The following RAD50 variants were observed in gnomAD, a reference collection of about 807,000 sequenced individuals.
RAD50 encodes DNA repair protein RAD50.
A neutral mutation model predicts 168.8 loss-of-function variants in RAD50; 132 were observed. The observed-to-expected ratio is 0.78, with a 90% CI of 0.68 to 0.90. The LOEUF (loss-of-function observed/expected upper bound fraction) is 0.90. Among genes scored for constraint, RAD50 ranks in the 40% least tolerant of loss-of-function variants. The pLI is 0.00. For synonymous variants in RAD50, 525 were observed against 497.4 expected (o/e 1.06, Z -0.74); for missense variants, 1,347 against 1,534.4 (o/e 0.88, Z 2.04).
At chr5:132,566,501 A>G (rs1001687370) in intron 2 of RAD50, among the ~76,000 whole-genome samples, 4 of 152,156 alleles carry the variant, frequency 2.6e-5, no homozygotes, top group African/African-American at 9.7e-5. Flanking sequence ...TCTGTATCCT[A>G]AGAGGCTGTT....
At chr5:132,619,855 GAT>G (rs1312742425) in intron 21 of RAD50, among the ~76,000 whole-genome samples, 2 of 96,148 alleles carry the variant, frequency 2.1e-5, no homozygotes, top group Middle Eastern at 5.7e-3. Context: ...TATATATAAA[GAT>G]ATATATATAT....
chr5:132,631,511 C>A (rs898296702), intron 21 of RAD50, among the ~76,000 whole-genome samples: 1 of 152,172 alleles, frequency 6.6e-6, no homozygotes. Context: ...ATACTCCAGG[C>A]AGGTGGTGGA....
rs550575815 is a variant in RAD50 at position 132,619,783 on chromosome 5, C to CCTCTCT, written c.3389+1512_3389+1517dup. Among the ~76,000 whole-genome samples, 169 of 125,724 alleles carry CCTCTCT rather than the reference C, an allele frequency of 1.3e-3. 3 individuals carry two copies. The highest frequency in any genetic ancestry group is 4.6e-3 in the African/African-American group (131 of 28,474). The allele number at this position is 125,724 out of a possible 152,430, so 82.5% of individuals were successfully genotyped here. ...TCTTGTTAAGAAATCCTTCCCTACTCCTCTCTCTCTCTCTCTCTCTCTCTC... is the reference window on the plus strand; with the variant it reads ...TCTTGTTAAGAAATCCTTCCCTACTCCTCTCTCTCTCTCTCTCTCTCTCTCTCTCTC... On this transcript the variant is annotated intron_variant, in intron 21 of 24. Transcript: ENST00000378823.
At chr5:132,619,002 A>G (rs562126768) in intron 21 of RAD50, among the ~76,000 whole-genome samples, 1 of 152,310 alleles carries the variant, frequency 6.6e-6, no homozygotes, top group East Asian at 1.9e-4. Context: ...TAAAAATGAT[A>G]TGATATTCTA....
chr5:132,640,607 A>C (rs1439220842), intron 23 of RAD50, 65 bp from the exon 24 acceptor site: 3 of 1,602,108 alleles, frequency 1.9e-6, no homozygotes, highest in Non-Finnish European at 2.6e-6. Flanking sequence ...TCATGTCAGG[A>C]CTGCTTGCCT....
intron 23 of RAD50, among the ~76,000 whole-genome samples, chr5:132,639,082 C>G (rs972555734): frequency 6.6e-6 from 1 of 151,040 alleles, no homozygotes; most frequent in African/African-American, 2.4e-5. Flanking sequence ...TGCAGCTGGG[C>G]ATGGTGTCTC....
intron 5 of RAD50, among the ~76,000 whole-genome samples, chr5:132,584,819 A>G (rs1750565329): frequency 6.6e-6 from 1 of 151,984 alleles, no homozygotes; most frequent in South Asian, 2.1e-4. Context: ...GCTGGAAACC[A>G]TCATTCTCAG....
intron 2 of RAD50, among the ~76,000 whole-genome samples, chr5:132,574,355 C>A (rs116563706): frequency 0.019 from 2,943 of 152,296 alleles, 33 homozygotes; most frequent in Middle Eastern, 0.061. Context: ...AGCAACAGGC[C>A]AAGCTGTACC....
Position 132,557,048 on chromosome 5 carries a change from T to C in RAD50, c.-277T>C. 1.5e-6 allele frequency: 1 copy of C among 652,742 alleles called. No homozygotes were observed. Among genetic ancestry groups the C allele is most frequent in the Non-Finnish European group, 2.5e-6 (1 of 407,386 alleles). 40.4% of individuals were successfully genotyped at this position (652,742 alleles called of 1,614,324 possible). A position where few individuals can be genotyped will look rare whatever the true frequency, so the allele number is the denominator to read the frequency against. ...TGCGGGGTCGCATTGTGGCTACGGCTTTGCGTCCCCGGCGGGCAGCCCCAG... is the reference window on the plus strand; with the variant it reads ...TGCGGGGTCGCATTGTGGCTACGGCCTTGCGTCCCCGGCGGGCAGCCCCAG... On this transcript the variant is annotated 5_prime_UTR_variant, in exon 1 of 25. Transcript: ENST00000378823.
Position 132,579,309 on chromosome 5 carries a change from T to C in RAD50, c.366-8T>C, listed in dbSNP as rs1189865447. 1.2e-6 allele frequency: 2 copies of C among 1,612,708 alleles called. No individual in the cohort carries two copies. The highest frequency in any genetic ancestry group is 2.7e-5 in the African/African-American group (2 of 75,032). ...TTTACATATATTCTTGATTTTCATT[T>C]TCTGTAGGCATGGTGAAAAGGTCAG... On this transcript the variant is annotated splice_polypyrimidine_tract_variant and splice_region_variant and intron_variant, in intron 3 of 24. Coordinates refer to ENST00000378823, the MANE Select transcript of RAD50 (RefSeq NM_005732.4).
At chr5:132,599,378 T>C (rs1458580664) in intron 13 of RAD50, among the ~76,000 whole-genome samples, 1 of 152,236 alleles carries the variant, frequency 6.6e-6, no homozygotes, top group East Asian at 1.9e-4. Context: ...GATGAACCCC[T>C]GTTTGTTTAG....
rs746841895 is a variant in RAD50, at chr5:132,637,167, C to G, written c.3442C>G (p.Arg1148Gly). The G allele has an allele frequency of 6.2e-7, 1 of 1,611,578 alleles. No homozygotes were observed. The highest frequency in any genetic ancestry group is 2.2e-5 in the East Asian group (1 of 44,722). Residue 1148 changes from arginine to glycine, a missense_variant, in exon 22 of 25, where the codon CGT becomes GGT. Coordinates refer to ENST00000378823, the MANE Select transcript of RAD50 (RefSeq NM_005732.4). ...AATGGAAGAAATCAATAAAATTATACGTGACCTGTGGCGAAGTACCTATCG... is the reference window on the plus strand; with the variant it reads ...AATGGAAGAAATCAATAAAATTATAGGTGACCTGTGGCGAAGTACCTATCG... ...MKMEEINKII[R>G]DLWRSTYRGQ...
At chr5:132,640,350 A>G (rs556152031) in intron 23 of RAD50, among the ~76,000 whole-genome samples, 3 of 152,354 alleles carry the variant, frequency 2.0e-5, no homozygotes, top group African/African-American at 7.2e-5. Flanking sequence ...TTAAAATTAC[A>G]GATAAATGGC....
At chr5:132,576,934 G>A (rs1750410564) in intron 3 of RAD50, among the ~76,000 whole-genome samples, 1 of 152,200 alleles carries the variant, frequency 6.6e-6, no homozygotes, top group African/African-American at 2.4e-5. Flanking sequence ...TCAAGGTTGA[G>A]CTAATGCATA....
intron 13 of RAD50, among the ~76,000 whole-genome samples, chr5:132,597,987 G>A (rs1750820286): frequency 6.6e-6 from 1 of 151,610 alleles, no homozygotes; most frequent in African/African-American, 2.4e-5. Flanking sequence ...GTGTTAGACT[G>A]TTATACAATA....
chr5:132,606,519 C>T (rs767466956), intron 16 of RAD50, among the ~76,000 whole-genome samples: 4 of 152,200 alleles, frequency 2.6e-5, no homozygotes, highest in Non-Finnish European at 4.4e-5. Flanking sequence ...GACAGATTCA[C>T]AGCCGAATTC....
chr5:132,604,908 A>T lies in RAD50; in HGVS notation c.2627A>T (p.Gln876Leu). ...AATGAGCTAAAATCTGAGAAACTTCAGATATCCACTAATTTGCAACGTCGT... is the reference window on the plus strand; with the variant it reads ...AATGAGCTAAAATCTGAGAAACTTCTGATATCCACTAATTTGCAACGTCGT... ...TTNELKSEKL[Q>L]ISTNLQRRQQ... is the part of the protein sequence containing the mutation. Residue 876 changes from glutamine (Q) to leucine (L), a missense_variant, in exon 16 of 25, where the codon CAG becomes CTG. Coordinates refer to ENST00000378823, the MANE Select transcript of RAD50 (RefSeq NM_005732.4). 1 of 1,613,832 alleles carries T rather than the reference A, an allele frequency of 6.2e-7. No homozygotes were observed. Among genetic ancestry groups the T allele is most frequent in the Non-Finnish European group, 8.5e-7 (1 of 1,179,710 alleles).
chr5:132,617,919 C>T (rs1751204983), intron 20 of RAD50, 151 bp from the exon 21 acceptor site: 1 of 712,578 alleles, frequency 1.4e-6, no homozygotes, highest in South Asian at 1.7e-5. Flanking sequence ...GTACCAAAGC[C>T]CTAAATAATA....
At chr5:132,562,757 C>G (rs749996592) in intron 2 of RAD50, among the ~76,000 whole-genome samples, 1 of 151,954 alleles carries the variant, frequency 6.6e-6, no homozygotes, top group African/African-American at 2.4e-5. Context: ...ATTTTTAAAG[C>G]CTGATGAGAT....
Sources: allele counts gnomAD v4.1 joint callset (sites outside exome capture counted in the v4.1 genomes callset), GRCh38; gene constraint gnomAD v4.1.1; transcripts MANE v1.5; gene names NCBI Gene and HGNC (gene_info 2026-07-23, HGNC 2026-07-21).